ARB2A: variants seen among roughly 807,000 people sequenced by gnomAD.
ARB2A encodes cotranscriptional regulator ARB2A.
At chr5:94,004,998 C>CCAAAAAA in the ARB2A span, among the ~76,000 whole-genome samples, 1 of 12,552 alleles carries the variant, frequency 8.0e-5, no homozygotes, top group African/African-American at 2.3e-4. Context: ...ATTTTATCAG[C>CCAAAAAA]AAAAAAAAAA....
At chr5:93,877,780 T>C in the ARB2A span, among the ~76,000 whole-genome samples, 1 of 152,082 alleles carries the variant, frequency 6.6e-6, no homozygotes, top group Admixed American at 6.6e-5. Flanking sequence ...GCTAGGCACT[T>C]ATAACGTGGG....
the ARB2A span, among the ~76,000 whole-genome samples, chr5:94,033,869 T>C: frequency 6.2e-3 from 944 of 152,372 alleles, 5 homozygotes; most frequent in Non-Finnish European, 9.9e-3. Flanking sequence ...GTGGTGCCTT[T>C]AAGAGGTGAT....
the ARB2A span, among the ~76,000 whole-genome samples, chr5:93,772,383 C>G: frequency 1.3e-4 from 20 of 151,862 alleles, no homozygotes; most frequent in Admixed American, 1.3e-4. Context: ...GTGCAGCACA[C>G]CAGCATGGCA....
chr5:94,084,771 G>A, the ARB2A span, among the ~76,000 whole-genome samples: 1 of 152,090 alleles, frequency 6.6e-6, no homozygotes, highest in Admixed American at 6.5e-5. Context: ...GGAAAACAGG[G>A]ATTTTTTTAA....
chr5:93,762,476 T>G, the ARB2A span, among the ~76,000 whole-genome samples: 3 of 151,978 alleles, frequency 2.0e-5, no homozygotes, highest in African/African-American at 7.3e-5. Flanking sequence ...ATGAATGAAA[T>G]GAAGCAAGAA....
the ARB2A span, among the ~76,000 whole-genome samples, chr5:93,844,120 C>CAA: frequency 1.6e-4 from 20 of 122,346 alleles, no homozygotes; most frequent in Admixed American, 5.0e-4. Context: ...GATAAAAAAA[C>CAA]AAAAAAAAAA....
chr5:93,797,631 C>T, the ARB2A span, among the ~76,000 whole-genome samples: 10 of 152,106 alleles, frequency 6.6e-5, no homozygotes, highest in Non-Finnish European at 1.3e-4. Context: ...ACTTCATTTA[C>T]ATTTTCAGAA....
At chr5:93,712,649 A>G in the ARB2A span, among the ~76,000 whole-genome samples, 1 of 152,196 alleles carries the variant, frequency 6.6e-6, no homozygotes, top group Non-Finnish European at 1.5e-5. Flanking sequence ...AACTAGCAAT[A>G]AACAATTCAA....
chr5:94,077,953 C>T, the ARB2A span, among the ~76,000 whole-genome samples: 1 of 152,130 alleles, frequency 6.6e-6, no homozygotes, highest in Non-Finnish European at 1.5e-5. Context: ...ATGTATAAAG[C>T]TATAAATAAC....
At chr5:93,840,048 G>T in the ARB2A span, among the ~76,000 whole-genome samples, 1 of 151,964 alleles carries the variant, frequency 6.6e-6, no homozygotes, top group African/African-American at 2.4e-5. Context: ...GTTATTTCTT[G>T]TCTTCTTTGA....
chr5:93,879,692 G>A, the ARB2A span, among the ~76,000 whole-genome samples: 1 of 151,740 alleles, frequency 6.6e-6, no homozygotes, highest in South Asian at 2.1e-4. Flanking sequence ...GCAAAGCAAT[G>A]GTGACAAGAT....
the ARB2A span, among the ~76,000 whole-genome samples, chr5:93,896,973 A>T: frequency 6.6e-6 from 1 of 152,040 alleles, no homozygotes; most frequent in South Asian, 2.1e-4. Context: ...AGAGCATCAG[A>T]TTTTCAGTCT....
chr5:93,894,007 A>G, the ARB2A span, among the ~76,000 whole-genome samples: 5 of 152,198 alleles, frequency 3.3e-5, no homozygotes, highest in African/African-American at 1.2e-4. Flanking sequence ...TTGCAGGGCA[A>G]TGTATAGACA....
the ARB2A span, chr5:93,620,242 G>A: frequency 6.6e-6 from 1 of 152,168 alleles, no homozygotes. Flanking sequence ...GGTTTTAACA[G>A]TCTCTTCTGA....
the ARB2A span, among the ~76,000 whole-genome samples, chr5:93,931,678 T>C: frequency 6.6e-6 from 1 of 151,992 alleles, no homozygotes; most frequent in African/African-American, 2.4e-5. Context: ...ACAAAAGTAC[T>C]AAGTGTACAG....
At chr5:93,788,170 A>G in the ARB2A span, among the ~76,000 whole-genome samples, 3 of 152,144 alleles carry the variant, frequency 2.0e-5, no homozygotes, top group African/African-American at 7.2e-5. Context: ...GCAAGTTCAT[A>G]TTACTATTAA....
the ARB2A span, among the ~76,000 whole-genome samples, chr5:93,744,433 T>TAAAAAAAAAAA: frequency 6.0e-5 from 1 of 16,650 alleles, no homozygotes; most frequent in African/African-American, 3.9e-4. Context: ...AGACTCAGTC[T>TAAAAAAAAAAA]CAAAAAAAAA....
At chr5:93,993,258 A>G in the ARB2A span, among the ~76,000 whole-genome samples, 1 of 152,120 alleles carries the variant, frequency 6.6e-6, no homozygotes, top group Non-Finnish European at 1.5e-5. Context: ...GAGCTTCACC[A>G]GCTGGTACCA....
chr5:93,959,985 T>C, the ARB2A span, among the ~76,000 whole-genome samples: 1 of 150,966 alleles, frequency 6.6e-6, no homozygotes, highest in Non-Finnish European at 1.5e-5. Context: ...ATAAAGAAGG[T>C]CAATCCACAT....
Sources: gnomAD v4.1 joint callset for allele counts (sites outside exome capture counted in the v4.1 genomes callset) on GRCh38, gnomAD v4.1.1 for gene constraint, MANE v1.5 for transcripts, NCBI Gene and HGNC (gene_info 2026-07-23, HGNC 2026-07-21) for gene names.